PAQR3: variants seen among roughly 807,000 people sequenced by gnomAD.
PAQR3 encodes Raf kinase trapping to Golgi.
Under a neutral mutation model 41.7 loss-of-function variants are expected in PAQR3, and 39 were observed. The observed-to-expected ratio is 0.93, with a 90% confidence interval of 0.72 to 1.22. PAQR3 has a LOEUF of 1.22. Among genes scored for constraint, PAQR3 ranks in the 50% most tolerant of loss-of-function variants. The pLI, the probability that PAQR3 is intolerant of heterozygous loss-of-function variation, is 0.00. For synonymous variants in PAQR3, 140 were observed against 140.6 expected, an observed-to-expected ratio of 1.00 and a Z score of 0.03; for missense variants, 366 against 385.6, an observed-to-expected ratio of 0.95 and a Z score of 0.42.
chr4:78,912,323 C>G lies in PAQR3; in HGVS notation c.*8216G>C, dbSNP rs1734683771. 3.1e-6 allele frequency: 1 copy of G among 320,762 alleles called. No homozygotes were observed. The highest frequency in any genetic ancestry group is 5.5e-5 in the East Asian group (1 of 18,332). The allele number at this position is 320,762 out of a possible 1,614,324, so 19.9% of individuals were successfully genotyped here. ...TGGTACTTCCAGTGAAAGCACATGG[C>G]ACCTTTCTAGGTGTGTAGCCACTGA... On this transcript the variant is annotated 3_prime_UTR_variant, in exon 6 of 6. Coordinates refer to ENST00000512733, the MANE Select transcript of PAQR3 (RefSeq NM_001040202.2).
chr4:78,909,668 A>G (rs937868281), downstream of PAQR3, among the ~76,000 whole-genome samples: 3 of 152,088 alleles, frequency 2.0e-5, no homozygotes, highest in East Asian at 1.9e-4. Flanking sequence ...TCATTGTTCA[A>G]TCCTAACTGT....
intron 1 of PAQR3, among the ~76,000 whole-genome samples, chr4:78,937,248 G>A (rs1273610623): frequency 3.9e-5 from 6 of 152,194 alleles, no homozygotes. Context: ...GATGGAGGTT[G>A]TTAGGGGGAA....
At chr4:78,938,905 A>G (rs1028346474) in intron 1 of PAQR3, 135 bp downstream of exon 1, 12 of 820,174 alleles carry the variant, frequency 1.5e-5, no homozygotes, top group Non-Finnish European at 2.3e-5. Context: ...GAGAGGCGGC[A>G]AAAAGGGATG....
chr4:78,933,299 TTATTG>T, intron 2 of PAQR3: 1 of 456,058 alleles, frequency 2.2e-6, no homozygotes, highest in South Asian at 1.5e-5. Flanking sequence ...AATCAAGGCA[TTATTG>T]TATTCTAACA....
chr4:78,938,219 T>G (rs924270339), intron 1 of PAQR3, among the ~76,000 whole-genome samples: 1 of 152,250 alleles, frequency 6.6e-6, no homozygotes, highest in African/African-American at 2.4e-5. Context: ...TGTATCTTAA[T>G]TCTCCTGAAG....
At chr4:78,924,791 C>T (rs561309205) in intron 4 of PAQR3, among the ~76,000 whole-genome samples, 13 of 150,952 alleles carry the variant, frequency 8.6e-5, no homozygotes, top group African/African-American at 2.7e-4. Context: ...TGAGGTGGGA[C>T]GACTGCTTGA....
rs1735554082 is a variant in PAQR3, at chr4:78,920,547, G to A, written c.928C>T (p.His310Tyr). ...AGGTGGCCATACCTAATTCACAAATGTGAAACATAGTCAGGACAAGGCTTG... is the reference window on the plus strand; with the variant it reads ...AGGTGGCCATACCTAATTCACAAATATGAAACATAGTCAGGACAAGGCTTG... The part of the protein sequence containing the change: ...HSKPCPDYVS[H>Y]L Residue 310 changes from histidine to tyrosine, a missense_variant, in exon 6 of 6, where the codon CAT becomes TAT. His to Tyr is a moderately conservative substitution (Grantham distance 83). Transcript: ENST00000512733. The A allele has an allele frequency of 1.9e-6, 3 of 1,606,948 alleles. No homozygotes were observed. Among genetic ancestry groups the A allele is most frequent in the African/African-American group, 1.3e-5 (1 of 74,456 alleles).
At chr4:78,927,627 T>C (rs1424716960) in intron 3 of PAQR3, among the ~76,000 whole-genome samples, 5 of 152,256 alleles carry the variant, frequency 3.3e-5, no homozygotes, top group South Asian at 2.1e-4. Context: ...ATGGCTTCTA[T>C]TAATGAAGCA....
Position 78,915,252 on chromosome 4 carries a change from G to A in PAQR3, c.*5287C>T, listed in dbSNP as rs1324129926. The A allele has an allele frequency of 6.6e-6, 1 of 151,992 alleles. No individual in the cohort carries two copies. Among genetic ancestry groups the A allele is most frequent in the Non-Finnish European group, 1.5e-5 (1 of 67,912 alleles). 9.4% of individuals were successfully genotyped at this position (151,992 alleles called of 1,614,324 possible). Reference sequence around the variant, plus strand: ...AGTGATAGACTGTTGTCCTCTTGCTGGTGGAAAATCTAAGGTGGAGCCCAC... The same window carrying A: ...AGTGATAGACTGTTGTCCTCTTGCTAGTGGAAAATCTAAGGTGGAGCCCAC... On this transcript the variant is annotated 3_prime_UTR_variant, in exon 6 of 6. Transcript: ENST00000512733.
chr4:78,920,842 C>A (rs1735591529), intron 5 of PAQR3, among the ~76,000 whole-genome samples, 161 bp from the exon 6 acceptor site: 1 of 151,838 alleles, frequency 6.6e-6, no homozygotes, highest in African/African-American at 2.4e-5. Context: ...TGGATCAATT[C>A]ATATTTGGGT....
In PAQR3 at chr4:78,918,917, A is replaced by T; in HGVS notation, c.*1622T>A. ...TTGCACCAAAATCTTCTATCACTTA[A>T]CATATGGATCAAAATTTTAACCTTA... On this transcript the variant is annotated 3_prime_UTR_variant, in exon 6 of 6. Coordinates refer to ENST00000512733, the MANE Select transcript of PAQR3 (RefSeq NM_001040202.2). The T allele has an allele frequency of 1.0e-6, 1 of 985,082 alleles. No individual in the cohort carries two copies. The highest frequency in any genetic ancestry group is 1.2e-6 in the Non-Finnish European group (1 of 829,722). 61.0% of individuals were successfully genotyped at this position (985,082 alleles called of 1,614,324 possible). A position where few individuals can be genotyped will look rare whatever the true frequency, so the allele number is the denominator to read the frequency against.
rs540284247 is a variant in PAQR3, at chr4:78,915,905, A to C, written c.*4634T>G. 2 of 151,990 alleles carry C rather than the reference A, an allele frequency of 1.3e-5. No individual in the cohort carries two copies. The highest frequency in any genetic ancestry group is 2.9e-5 in the Non-Finnish European group (2 of 67,892). The allele number at this position is 151,990 out of a possible 1,614,324, so 9.4% of individuals were successfully genotyped here. On this transcript the variant is annotated 3_prime_UTR_variant, in exon 6 of 6. Coordinates refer to ENST00000512733, the MANE Select transcript of PAQR3 (RefSeq NM_001040202.2). ...AAAAGTCATCTAATAGAAGCTGTATAGAAGCTACTTTTTAATTGCTGGCAA... is the reference window on the plus strand; with the variant it reads ...AAAAGTCATCTAATAGAAGCTGTATCGAAGCTACTTTTTAATTGCTGGCAA...
chr4:78,897,960 C>G (rs1356023375), intron 11 of PAQR3, among the ~76,000 whole-genome samples: 1 of 152,138 alleles, frequency 6.6e-6, no homozygotes, highest in East Asian at 1.9e-4. Context: ...TCTGTTGGTG[C>G]ACAAAGGAGA....
At chr4:78,907,685 A>C (rs1734355938), downstream of PAQR3, among the ~76,000 whole-genome samples, 1 of 152,146 alleles carries the variant, frequency 6.6e-6, no homozygotes, top group Admixed American at 6.6e-5. Flanking sequence ...TAATGAGCAT[A>C]CTCCAGGTGA....
chr4:78,921,624 C>A (rs541045314), intron 5 of PAQR3: 11 of 913,690 alleles, frequency 1.2e-5, no homozygotes, highest in South Asian at 5.1e-5. Flanking sequence ...TCAATTCTAT[C>A]CATGGACACC....
chr4:78,892,425 G>A (rs1190129741), intron 11 of PAQR3, among the ~76,000 whole-genome samples: 1 of 152,132 alleles, frequency 6.6e-6, no homozygotes, highest in African/African-American at 2.4e-5. Context: ...GATCTATTCT[G>A]ATATTCCGTT....
chr4:78,918,396 GACAT>G lies in PAQR3; in HGVS notation c.*2139_*2142del. 2 of 977,832 alleles carry G rather than the reference GACAT, an allele frequency of 2.0e-6. No homozygotes were observed. The highest frequency in any genetic ancestry group is 2.4e-6 in the Non-Finnish European group (2 of 822,764). 60.6% of individuals were successfully genotyped at this position (977,832 alleles called of 1,614,324 possible). A position where few individuals can be genotyped will look rare whatever the true frequency, so the allele number is the denominator to read the frequency against. ...AGTAGGTGGTCATTAAATGCTGACT[GACAT>G]ACAGAAGTGTTTCTAGTTAACAGCA... On this transcript the variant is annotated 3_prime_UTR_variant, in exon 6 of 6. Transcript: ENST00000512733.
At chr4:78,903,568 T>C (rs926810444) in intron 11 of PAQR3, among the ~76,000 whole-genome samples, 13 of 151,980 alleles carry the variant, frequency 8.6e-5, no homozygotes, top group Admixed American at 8.5e-4. Flanking sequence ...ATTGTCTCTA[T>C]TTTCTAGATG....
downstream of PAQR3, chr4:78,911,042 T>C (rs1177574407): frequency 1.2e-6 from 2 of 1,613,866 alleles, no homozygotes; most frequent in Admixed American, 3.3e-5. Flanking sequence ...ACCCAAGATC[T>C]TAATACAATA....
Sources: gnomAD v4.1 joint callset for allele counts (sites outside exome capture counted in the v4.1 genomes callset) on GRCh38, gnomAD v4.1.1 for gene constraint, MANE v1.5 for transcripts, NCBI Gene and HGNC (gene_info 2026-07-23, HGNC 2026-07-21) for gene names.